ZNF700: variants seen among roughly 807,000 people sequenced by gnomAD.
ZNF700 encodes the protein zinc finger protein 700.
Under a neutral mutation model 65.3 loss-of-function variants are expected in ZNF700, and 38 were observed. That is an observed-to-expected ratio of 0.58 (90% confidence interval 0.45 to 0.76). The LOEUF (loss-of-function observed/expected upper bound fraction) is 0.76, where lower values mean the gene tolerates loss of function less well. ZNF700 is among the 30% of genes least tolerant of loss of function. The pLI is 0.00. For synonymous variants in ZNF700, 285 were observed against 290.4 expected (o/e 0.98, Z 0.19); for missense variants, 857 against 888.4 (o/e 0.96, Z 0.45).
At position 11,925,194 on chromosome 19, in the gene ZNF700, G is replaced by T. The variant is rs201166136; in HGVS notation, c.-17G>T. The stretch of plus-strand genomic sequence containing the variant: ...TGGTGCCTGTACCCAGGCTTCTGTC[G>T]CTCTGTCGCCTGCGCTATGCCCTGC... On this transcript the variant is annotated 5_prime_UTR_variant, in exon 1 of 4. Transcript: ENST00000254321. The T allele has an allele frequency of 2.5e-6, 4 of 1,611,424 alleles. No individual in the cohort carries two copies. The East Asian group carries it at 6.7e-5, about 27-fold the overall frequency.
chr19:11,934,968 C>CAGG lies in ZNF700; in HGVS notation c.63+9697_63+9698insGAG, dbSNP rs1225281863. Among the ~76,000 whole-genome samples the CAGG allele has an allele frequency of 2.6e-4, 38 of 146,872 alleles. 1 individual carries two copies. The highest frequency in any genetic ancestry group is 6.1e-4 in the East Asian group (3 of 4,908). The stretch of plus-strand genomic sequence containing the variant: ...GGCCAAGGCGGGTGGATCAGGAGGT[C>CAGG]AGATCAAGACCATCCTGGCTAACAC... On this transcript the variant is annotated intron_variant, in intron 1 of 3. Transcript: ENST00000254321.
intron 1 of ZNF700, among the ~76,000 whole-genome samples, chr19:11,944,588 C>A (rs575492597): frequency 6.6e-6 from 1 of 152,288 alleles, no homozygotes; most frequent in East Asian, 1.9e-4. Flanking sequence ...GGTTACTTCA[C>A]CAGCTTTCTC....
intron 1 of ZNF700, among the ~76,000 whole-genome samples, chr19:11,943,888 G>A (rs1006673439): frequency 6.6e-6 from 1 of 152,188 alleles, no homozygotes; most frequent in Non-Finnish European, 1.5e-5. Flanking sequence ...AGGTGTGACA[G>A]GAGCAGGGCT....
intron 1 of ZNF700, among the ~76,000 whole-genome samples, chr19:11,927,567 C>T (rs943662451): frequency 9.9e-5 from 15 of 152,230 alleles, no homozygotes; most frequent in African/African-American, 3.6e-4. Flanking sequence ...ATGTAGGGAT[C>T]TTTTCTATGT....
chr19:11,933,012 T>C (rs1025948325), intron 1 of ZNF700, among the ~76,000 whole-genome samples: 27 of 148,618 alleles, frequency 1.8e-4, no homozygotes, highest in Non-Finnish European at 5.9e-5. Context: ...TAATTCACTT[T>C]CTTATTTAGT....
intron 1 of ZNF700, among the ~76,000 whole-genome samples, chr19:11,931,598 CTTAATT>C (rs1031880746): frequency 2.7e-5 from 4 of 147,906 alleles, no homozygotes; most frequent in African/African-American, 1.1e-4. Context: ...GTACCTTTTT[CTTAATT>C]TTAGTGAGGG....
chr19:11,942,007 G>A (rs1219545487), intron 1 of ZNF700, among the ~76,000 whole-genome samples: 3 of 152,188 alleles, frequency 2.0e-5, no homozygotes, highest in East Asian at 1.9e-4. Context: ...GGAGTTTCTC[G>A]TTTGGCCTCT....
At chr19:11,931,843 C>G (rs576853964) in intron 1 of ZNF700, among the ~76,000 whole-genome samples, 2 of 148,364 alleles carry the variant, frequency 1.3e-5, no homozygotes, top group South Asian at 4.2e-4. Flanking sequence ...TGGCCAGGCA[C>G]GGTGGCTCGC....
intron 1 of ZNF700, among the ~76,000 whole-genome samples, chr19:11,928,756 G>C (rs1240715433): frequency 7.2e-6 from 1 of 138,786 alleles, no homozygotes; most frequent in Admixed American, 7.1e-5. Context: ...AAAAAAGAAA[G>C]TAGTCTCTGT....
intron 1 of ZNF700, among the ~76,000 whole-genome samples, chr19:11,931,185 A>G (rs1972708209): frequency 6.8e-6 from 1 of 147,730 alleles, no homozygotes; most frequent in Non-Finnish European, 1.5e-5. Flanking sequence ...ATTACCATAG[A>G]CTGGGTGACT....
chr19:11,925,344 C>T (rs1972609224), intron 1 of ZNF700, 71 bp downstream of exon 1: 2 of 1,588,460 alleles, frequency 1.3e-6, no homozygotes, highest in Non-Finnish European at 1.7e-6. Flanking sequence ...CCGGCTGTGG[C>T]GGGACCCGGG....
At chr19:11,946,966 C>A in intron 1 of ZNF700, 1 of 934,460 alleles carries the variant, frequency 1.1e-6, no homozygotes, top group Non-Finnish European at 1.4e-6. Context: ...CCAGCCTGGG[C>A]AACAAGAGTG....
rs779103083 is a variant in ZNF700 at position 11,949,791 on chromosome 19, G to A, written c.1767G>A (p.Glu589=). The A allele has an allele frequency of 6.2e-7, 1 of 1,613,324 alleles. No homozygotes were observed. The highest frequency in any genetic ancestry group is 8.5e-7 in the Non-Finnish European group (1 of 1,179,800). The change falls in exon 4 of 4, where the codon GAG becomes GAA. Residue 589 remains glutamate, a synonymous_variant. Transcript: ENST00000254321. Reference sequence around the variant, plus strand: ...TGCATGAAAGGACTCACACTGGAGAGAAACCCTATGAGTGTAAGCAATGTG... The same window carrying A: ...TGCATGAAAGGACTCACACTGGAGAAAAACCCTATGAGTGTAAGCAATGTG... ...LRMHERTHTG[E]KPYECKQCGK...
At position 11,948,486 on chromosome 19, in the gene ZNF700, T is replaced by G. The variant is rs748173987; in HGVS notation, c.462T>G (p.Tyr154Ter). ...SIRGDTGHKA[Y>*]EYQEYGPKPY... ...GAGGTGACACTGGACACAAGGCATA[T>G]GAGTATCAGGAATATGGACCAAAGC... is the stretch of plus-strand genomic sequence containing the variant. The change falls in exon 4 of 4, where the codon TAT becomes TAG. Residue 154 changes from tyrosine (Y) to a stop codon, truncating the protein, a stop_gained. Coordinates refer to ENST00000254321, the MANE Select transcript of ZNF700 (RefSeq NM_144566.3). LOFTEE classifies it high-confidence loss of function. 5 of 1,613,890 alleles carry G rather than the reference T, an allele frequency of 3.1e-6. No homozygotes were observed. Among genetic ancestry groups the G allele is most frequent in the Non-Finnish European group, 4.2e-6 (5 of 1,180,010 alleles).
In ZNF700 at chr19:11,938,939, C is replaced by T. The variant is rs58061808; in HGVS notation, c.64-8242C>T. On this transcript the variant is annotated intron_variant, in intron 1 of 3. Transcript: ENST00000254321. Reference sequence around the variant, plus strand: ...CATTCTAACTGGTGTGAGATGGTATCTCATTGTGGTTTTGATTTGCATTTC... The same window carrying T: ...CATTCTAACTGGTGTGAGATGGTATTTCATTGTGGTTTTGATTTGCATTTC... Among the ~76,000 whole-genome samples the T allele has an allele frequency of 8.2e-3, 1,250 of 152,212 alleles. 13 individuals carry two copies. Among genetic ancestry groups the T allele is most frequent in the African/African-American group, 0.029 (1,186 of 41,532 alleles).
intron 1 of ZNF700, among the ~76,000 whole-genome samples, chr19:11,928,220 A>G (rs1972661227): frequency 6.6e-6 from 1 of 152,168 alleles, no homozygotes. Flanking sequence ...TCCTGGCCTC[A>G]AACAGTCCTG....
rs767631325 is a variant in ZNF700 at position 11,948,566 on chromosome 19, T to A, written c.542T>A (p.Ile181Asn). 3 of 1,607,372 alleles carry A rather than the reference T, an allele frequency of 1.9e-6. No homozygotes were observed. The highest frequency in any genetic ancestry group is 1.7e-6 in the Non-Finnish European group (2 of 1,178,580). Reference protein sequence around the residue: ...NKKAFRYRPSIRTQERDHTGE... With the variant: ...NKKAFRYRPSNRTQERDHTGE... ...AAAGCCTTCAGGTATCGCCCATCCA[T>A]TAGAACACAAGAAAGGGATCACACT... Residue 181 changes from isoleucine to asparagine, a missense_variant, in exon 4 of 4, where the codon ATT (isoleucine) becomes AAT (asparagine). Around this residue, in one of 3 missense-constraint regions of ZNF700, gnomAD observed 603 missense variants for 619.9 expected, o/e 0.97. Coordinates refer to ENST00000254321, the MANE Select transcript of ZNF700 (RefSeq NM_144566.3).
chr19:11,947,246 T>C lies in ZNF700; in HGVS notation c.129T>C (p.Ile43=). The change falls in exon 2 of 4, where the codon ATT becomes ATC. Residue 43 remains isoleucine, a synonymous_variant. Transcript: ENST00000254321. ...FTQEEWTLLD[I]SQKNLFREVM... Reference sequence around the variant, plus strand: ...AGGAAGAGTGGACATTGCTGGATATTTCCCAGAAGAATCTCTTCAGGGAAG... The same window carrying C: ...AGGAAGAGTGGACATTGCTGGATATCTCCCAGAAGAATCTCTTCAGGGAAG... 1.2e-6 allele frequency: 2 copies of C among 1,614,120 alleles called. No individual in the cohort carries two copies. The highest frequency in any genetic ancestry group is 8.5e-7 in the Non-Finnish European group (1 of 1,180,016).
intron 1 of ZNF700, among the ~76,000 whole-genome samples, chr19:11,937,416 G>A (rs1225322464): frequency 6.6e-6 from 1 of 151,846 alleles, no homozygotes; most frequent in Non-Finnish European, 1.5e-5. Context: ...GGGCTCAAAT[G>A]ACCTGTCTGC....
Sources: gnomAD v4.1 joint callset for allele counts (sites outside exome capture counted in the v4.1 genomes callset) on GRCh38, gnomAD v4.1.1 for gene constraint, gnomAD v4.1.1 regional missense constraint, MANE v1.5 for transcripts, NCBI Gene and HGNC (gene_info 2026-07-23, HGNC 2026-07-21) for gene names.